B3GAT2: variants seen among roughly 807,000 people sequenced by gnomAD.
B3GAT2 encodes galactosylgalactosylxylosylprotein 3-beta-glucuronosyltransferase 2.
A neutral mutation model predicts 27.8 loss-of-function variants in B3GAT2; 26 were observed. The observed-to-expected ratio is 0.93, with a 90% CI of 0.68 to 1.30. B3GAT2 has a LOEUF of 1.30. Ranked by LOEUF, B3GAT2 falls within the 50% of genes most tolerant of loss-of-function variation. The pLI, the probability that B3GAT2 is intolerant of heterozygous loss-of-function variation, is 0.00. For synonymous variants in B3GAT2, 218 were observed against 195.1 expected (o/e 1.12, Z -0.98); for missense variants, 458 against 459.0 (o/e 1.00, Z 0.02).
chr6:70,865,901 G>A (rs1034413174), intron 2 of B3GAT2, among the ~76,000 whole-genome samples: 1 of 152,172 alleles, frequency 6.6e-6, no homozygotes, highest in African/African-American at 2.4e-5. Flanking sequence ...CTTCCTGCCT[G>A]AAGTATGTTT....
intron 1 of B3GAT2, among the ~76,000 whole-genome samples, chr6:70,942,102 T>C (rs983954269): frequency 1.3e-5 from 2 of 152,180 alleles, no homozygotes; most frequent in Non-Finnish European, 2.9e-5. Flanking sequence ...ATTTGCCTAA[T>C]GGGCATTCTG....
intron 1 of B3GAT2, among the ~76,000 whole-genome samples, chr6:70,926,423 C>A (rs1772960000): frequency 6.6e-6 from 1 of 152,120 alleles, no homozygotes; most frequent in Middle Eastern, 3.2e-3. Context: ...AGCTAAAAAC[C>A]TGGAAAAACG....
rs747368846 is a variant in B3GAT2, at chr6:70,856,865, C to T, written c.*4798G>A. 2.5e-5 allele frequency: 41 copies of T among 1,610,736 alleles called. No individual in the cohort carries two copies. The highest frequency in any genetic ancestry group is 3.3e-5 in the Non-Finnish European group (39 of 1,178,172). ...ATTTTGGTGTTTGTCTCAGGGGACA[C>T]CCTCTGCACCAGCAGCTGCAACCCT... On this transcript the variant is annotated 3_prime_UTR_variant, in exon 4 of 4. Transcript: ENST00000230053.
At chr6:70,912,039 C>G (rs895648969) in intron 1 of B3GAT2, among the ~76,000 whole-genome samples, 2 of 152,004 alleles carry the variant, frequency 1.3e-5, no homozygotes, top group African/African-American at 4.8e-5. Flanking sequence ...GATCTAGGAG[C>G]TTTTGGGCAG....
chr6:70,861,426 T>A lies in B3GAT2; in HGVS notation c.*237A>T, dbSNP rs1054492983. 4.8e-5 allele frequency: 24 copies of A among 498,802 alleles called. No individual in the cohort carries two copies. In the Admixed American group the frequency reaches 5.6e-4, roughly 12 times the overall value. 30.9% of individuals were successfully genotyped at this position (498,802 alleles called of 1,614,324 possible). A position where few individuals can be genotyped will look rare whatever the true frequency, so the allele number is the denominator to read the frequency against. ...GTACAAAAAAATCTTCCAATTTAGTTGTTGTAGAGAAAACATGCAGAACAA... is the reference window on the plus strand; with the variant it reads ...GTACAAAAAAATCTTCCAATTTAGTAGTTGTAGAGAAAACATGCAGAACAA... On this transcript the variant is annotated 3_prime_UTR_variant, in exon 4 of 4. Coordinates refer to ENST00000230053, the MANE Select transcript of B3GAT2 (RefSeq NM_080742.3).
intron 1 of B3GAT2, among the ~76,000 whole-genome samples, chr6:70,915,803 T>G (rs1772763504): frequency 6.6e-6 from 1 of 152,206 alleles, no homozygotes; most frequent in Non-Finnish European, 1.5e-5. Context: ...TTGGTTACTG[T>G]AGCCTTGTAG....
intron 1 of B3GAT2, among the ~76,000 whole-genome samples, chr6:70,938,437 C>T (rs1420969034): frequency 6.6e-6 from 1 of 152,022 alleles, no homozygotes; most frequent in Non-Finnish European, 1.5e-5. Context: ...AAAGAGCCCA[C>T]ATCGTCAAGT....
chr6:70,885,331 A>G (rs1299127293), intron 2 of B3GAT2, among the ~76,000 whole-genome samples: 1 of 152,146 alleles, frequency 6.6e-6, no homozygotes, highest in East Asian at 1.9e-4. Flanking sequence ...GCAAATCTCA[A>G]TGTTACAAAT....
rs538444071 is a variant in B3GAT2, at chr6:70,894,226, C to A, written c.638G>T (p.Gly213Val). 6.1e-5 allele frequency: 99 copies of A among 1,613,514 alleles called. No homozygotes were observed. The highest frequency in any genetic ancestry group is 1.5e-4 in the Admixed American group (9 of 59,960). ...CAGCGGACGTTCGTAGCGCCGCCCA[C>A]CAACCAGGCCCACAGGCCAGACGGA... The part of the protein sequence containing the change: ...KVSVWPVGLV[G>V]GRRYERPLVE... The change falls in exon 2 of 4, where the codon GGT (glycine) becomes GTT (valine). Residue 213 changes from glycine (G) to valine (V), a missense_variant. Coordinates refer to ENST00000230053, the MANE Select transcript of B3GAT2 (RefSeq NM_080742.3).
At chr6:70,907,610 G>A (rs1214205562) in intron 1 of B3GAT2, among the ~76,000 whole-genome samples, 9 of 152,222 alleles carry the variant, frequency 5.9e-5, no homozygotes, top group African/African-American at 2.2e-4. Flanking sequence ...TCATATGACT[G>A]ATGACGGATT....
At chr6:70,905,519 C>A (rs963607270) in intron 1 of B3GAT2, among the ~76,000 whole-genome samples, 1 of 152,146 alleles carries the variant, frequency 6.6e-6, no homozygotes, top group Non-Finnish European at 1.5e-5. Flanking sequence ...TAATGTACTC[C>A]GATAACCTAC....
Position 70,956,199 on chromosome 6 carries a change from C to G in B3GAT2, c.231G>C (p.Pro77=), listed in dbSNP as rs1765654134. 2.5e-6 allele frequency: 4 copies of G among 1,611,730 alleles called. No homozygotes were observed. Among genetic ancestry groups the G allele is most frequent in the African/African-American group, 2.7e-5 (2 of 74,880 alleles). Residue 77 remains proline, a synonymous_variant, in exon 1 of 4, where the codon CCG becomes CCC. Transcript: ENST00000230053. Reference sequence around the variant, plus strand: ...TGATGGCATAGATGGTGGGCAGCTGCGGCTCCGGCTGTGGCTGCGGCCGAG... The same window carrying G: ...TGATGGCATAGATGGTGGGCAGCTGGGGCTCCGGCTGTGGCTGCGGCCGAG... ...NQSRPQPQPE[P]QLPTIYAITP... is the part of the protein sequence containing the mutation.
chr6:70,945,984 T>G (rs979221417), intron 1 of B3GAT2, among the ~76,000 whole-genome samples: 10 of 151,486 alleles, frequency 6.6e-5, no homozygotes, highest in Admixed American at 1.3e-4. Context: ...GCTTCATAAG[T>G]GAAGGAGAAA....
At chr6:70,887,676 G>A (rs921075954) in intron 2 of B3GAT2, among the ~76,000 whole-genome samples, 4 of 152,224 alleles carry the variant, frequency 2.6e-5, no homozygotes, top group African/African-American at 7.2e-5. Flanking sequence ...GTGACAAGGT[G>A]CAGAGGTATG....
intron 1 of B3GAT2, among the ~76,000 whole-genome samples, chr6:70,902,987 T>C (rs1279280063): frequency 2.0e-5 from 3 of 152,060 alleles, no homozygotes; most frequent in Non-Finnish European, 4.4e-5. Context: ...TGACTATAGT[T>C]AATATATTAT....
intron 1 of B3GAT2, among the ~76,000 whole-genome samples, chr6:70,916,851 A>G (rs1243604475): frequency 6.6e-6 from 1 of 151,938 alleles, no homozygotes; most frequent in Non-Finnish European, 1.5e-5. Context: ...ATGTTGGCCT[A>G]AAATTATCTT....
chr6:70,884,186 G>A (rs1428623738), intron 2 of B3GAT2, among the ~76,000 whole-genome samples: 1 of 151,722 alleles, frequency 6.6e-6, no homozygotes, highest in South Asian at 2.1e-4. Flanking sequence ...GCTCCTAGGT[G>A]GAGCTCAAGT....
At position 70,859,419 on chromosome 6, in the gene B3GAT2, A is replaced by G. The variant is rs1771598409; in HGVS notation, c.*2244T>C. The G allele has an allele frequency of 6.5e-7, 1 of 1,537,924 alleles. No homozygotes were observed. Among genetic ancestry groups the G allele is most frequent in the East Asian group, 2.5e-5 (1 of 40,806 alleles). On this transcript the variant is annotated 3_prime_UTR_variant, in exon 4 of 4. Coordinates refer to ENST00000230053, the MANE Select transcript of B3GAT2 (RefSeq NM_080742.3). ...GTGGTTAAAATGTCCTTTAGTAGGTATGAAGACGTGATCTGCTTCTTCAGA... is the reference window on the plus strand; with the variant it reads ...GTGGTTAAAATGTCCTTTAGTAGGTGTGAAGACGTGATCTGCTTCTTCAGA...
chr6:70,919,331 C>T lies in B3GAT2; in HGVS notation c.592-25059G>A, dbSNP rs542219408. ...ATTTTTTCAAGGTTTTTAGCTTCCT[C>T]GCGATTGGTTAGAACATGCTCCTTT... On this transcript the variant is annotated intron_variant, in intron 1 of 3. Transcript: ENST00000230053. 7.9e-5 allele frequency among the ~76,000 whole-genome samples: 12 copies of T among 152,116 alleles called. 1 individual carries two copies. The highest frequency in any genetic ancestry group is 4.1e-4 in the South Asian group (2 of 4,830).
Sources: allele counts gnomAD v4.1 joint callset (sites outside exome capture counted in the v4.1 genomes callset), GRCh38; gene constraint gnomAD v4.1.1; transcripts MANE v1.5; gene names NCBI Gene and HGNC (gene_info 2026-07-23, HGNC 2026-07-21).